WDSUB1: variants seen among roughly 807,000 people sequenced by gnomAD.
WDSUB1 encodes WD repeat, sterile alpha motif and U-box domain containing 1.
WDSUB1 carries 49 observed loss-of-function variants against 53.9 expected under a neutral mutation model. That is an observed-to-expected ratio of 0.91 (90% CI 0.72 to 1.15). The LOEUF (loss-of-function observed/expected upper bound fraction) is 1.15. WDSUB1 is among the 50% of genes most tolerant of loss of function. The probability of loss-of-function intolerance (pLI) is 0.00; values close to 1 mark genes in which losing one functional copy is unlikely to be tolerated. For missense variants in WDSUB1, 514 were observed against 562.0 expected (o/e 0.91, Z 0.86); for synonymous variants, 194 against 200.6 (o/e 0.97, Z 0.28).
chr2:159,282,408 G>A (rs1282345508), intron 2 of WDSUB1, among the ~76,000 whole-genome samples: 1 of 152,124 alleles, frequency 6.6e-6, no homozygotes, highest in Non-Finnish European at 1.5e-5. Context: ...TAGCCAGGAT[G>A]GTCTCGATCT....
intron 9 of WDSUB1, among the ~76,000 whole-genome samples, chr2:159,252,695 G>A (rs2151079590): frequency 6.6e-6 from 1 of 152,314 alleles, no homozygotes; most frequent in Middle Eastern, 3.4e-3. Flanking sequence ...TAGGCAACAA[G>A]TGAAATCTAC....
Position 159,259,838 on chromosome 2 carries a change from ACT to A in WDSUB1, c.774_775del (p.Val259GlyfsTer2). ...ATCATATACTATGACAGACTTATCC[ACT>A]GACCTTAAAAGAAAATAAATTATAG... On this transcript the variant is annotated frameshift_variant, in exon 6 of 11. Coordinates refer to ENST00000359774, the MANE Select transcript of WDSUB1 (RefSeq NM_001128212.3). LOFTEE classifies it high-confidence loss of function. The A allele has an allele frequency of 1.3e-6, 2 of 1,525,038 alleles. No homozygotes were observed. The highest frequency in any genetic ancestry group is 1.8e-6 in the Non-Finnish European group (2 of 1,120,268). 94.5% of individuals were successfully genotyped at this position (1,525,038 alleles called of 1,614,324 possible).
At chr2:159,271,627 GT>G (rs1474798022) in intron 5 of WDSUB1, 74 bp downstream of exon 5, 8 of 1,263,352 alleles carry the variant, frequency 6.3e-6, no homozygotes, top group African/African-American at 1.5e-5. Flanking sequence ...ATTCTTTGAG[GT>G]TTCATGTACT....
chr2:159,247,438 AAAC>A (rs541645923), intron 10 of WDSUB1, among the ~76,000 whole-genome samples: 151 of 152,338 alleles, frequency 9.9e-4, no homozygotes, highest in Admixed American at 6.1e-3. Flanking sequence ...TATAGTTTCA[AAAC>A]AACTATTAAG....
At chr2:159,258,128 A>G (rs1020071653) in intron 6 of WDSUB1, 143 bp from the exon 7 acceptor site, 7 of 716,496 alleles carry the variant, frequency 9.8e-6, no homozygotes, top group African/African-American at 9.0e-5. Flanking sequence ...ACTTTACTCA[A>G]TGAATAGCAG....
chr2:159,259,598 A>G (rs1472403423), intron 6 of WDSUB1, among the ~76,000 whole-genome samples: 1 of 152,248 alleles, frequency 6.6e-6, no homozygotes. Flanking sequence ...TTTAAAATCT[A>G]TCCATCTTAA....
chr2:159,281,140 CAGA>C (rs1354268915), intron 2 of WDSUB1, among the ~76,000 whole-genome samples: 1 of 152,166 alleles, frequency 6.6e-6, no homozygotes, highest in Non-Finnish European at 1.5e-5. Context: ...TGTTGGGAGA[CAGA>C]AGGAGGGGGA....
At chr2:159,264,902 G>A (rs978503866) in intron 5 of WDSUB1, among the ~76,000 whole-genome samples, 1 of 151,908 alleles carries the variant, frequency 6.6e-6, no homozygotes, top group Non-Finnish European at 1.5e-5. Flanking sequence ...TGGCCAACAT[G>A]GTGAAACCCT....
At chr2:159,266,282 G>A (rs948267259) in intron 5 of WDSUB1, among the ~76,000 whole-genome samples, 6 of 151,892 alleles carry the variant, frequency 4.0e-5, no homozygotes, top group South Asian at 2.1e-4. Context: ...ACCGCCTCCC[G>A]GGTTCACGCC....
intron 9 of WDSUB1, among the ~76,000 whole-genome samples, chr2:159,255,500 TAAATA>T (rs1442856396): frequency 1.6e-5 from 2 of 128,562 alleles, no homozygotes; most frequent in East Asian, 6.3e-4. Flanking sequence ...TAAATTAAAT[TAAATA>T]AAGAAAAGTG....
chr2:159,243,184 G>A (rs551703627), intron 10 of WDSUB1, among the ~76,000 whole-genome samples: 1 of 147,602 alleles, frequency 6.8e-6, no homozygotes, highest in East Asian at 2.1e-4. Context: ...TAAATGAGTG[G>A]TAAGTCTACA....
At chr2:159,266,027 A>G (rs11903934) in intron 5 of WDSUB1, among the ~76,000 whole-genome samples, 12,583 of 152,180 alleles carry the variant, frequency 0.083, 1,159 homozygotes, top group African/African-American at 0.22. Flanking sequence ...TTCACTATTT[A>G]TTTTTTCCTC....
intron 9 of WDSUB1, among the ~76,000 whole-genome samples, chr2:159,255,932 G>T (rs1223910478): frequency 1.3e-5 from 2 of 152,046 alleles, no homozygotes; most frequent in Non-Finnish European, 2.9e-5. Context: ...TTTAAAAATG[G>T]GCAATGGATC....
chr2:159,265,267 C>T (rs370556602), intron 5 of WDSUB1, among the ~76,000 whole-genome samples: 2 of 148,632 alleles, frequency 1.3e-5, no homozygotes, highest in East Asian at 2.0e-4. Flanking sequence ...TGGAGTGAGG[C>T]CTTATCTCTA....
chr2:159,279,574 CAT>C (rs1165494196), intron 3 of WDSUB1, among the ~76,000 whole-genome samples, 185 bp downstream of exon 3: 1 of 152,050 alleles, frequency 6.6e-6, no homozygotes, highest in Non-Finnish European at 1.5e-5. Context: ...GCAATTTTCT[CAT>C]ATATTTTTTC....
chr2:159,239,876 G>GAAACT (rs1342037916), intron 10 of WDSUB1, among the ~76,000 whole-genome samples: 5 of 152,038 alleles, frequency 3.3e-5, no homozygotes, highest in Non-Finnish European at 5.9e-5. Context: ...GAGGTTCTGA[G>GAAACT]AAACTAAACT....
At chr2:159,276,513 T>G (rs908506283) in intron 3 of WDSUB1, among the ~76,000 whole-genome samples, 1 of 152,326 alleles carries the variant, frequency 6.6e-6, no homozygotes, top group South Asian at 2.1e-4. Flanking sequence ...TATTATATTA[T>G]TTAGGGAAAG....
chr2:159,241,254 GTT>G (rs2060638531), intron 10 of WDSUB1, among the ~76,000 whole-genome samples: 1 of 152,170 alleles, frequency 6.6e-6, no homozygotes, highest in Non-Finnish European at 1.5e-5. Context: ...TTAACATTTA[GTT>G]TTTAGGTTTT....
At chr2:159,249,374 G>C (rs1259646260) in intron 9 of WDSUB1, among the ~76,000 whole-genome samples, 1 of 152,148 alleles carries the variant, frequency 6.6e-6, no homozygotes, top group African/African-American at 2.4e-5. Context: ...TGAATTTTAG[G>C]AATTTTAGAA....
Sources: allele counts gnomAD v4.1 joint callset (sites outside exome capture counted in the v4.1 genomes callset), GRCh38; gene constraint gnomAD v4.1.1; transcripts MANE v1.5; gene names NCBI Gene and HGNC (gene_info 2026-07-23, HGNC 2026-07-21).